Variants in CSRNP3 observed in about 807,000 individuals in gnomAD.
The protein encoded by CSRNP3 is cysteine and serine rich nuclear protein 3.
CSRNP3 carries 12 observed loss-of-function variants against 48.0 expected under a neutral mutation model. The observed-to-expected ratio is 0.25, with a 90% CI of 0.16 to 0.41. The LOEUF is 0.41. Among genes scored for constraint, CSRNP3 ranks in the 10% least tolerant of loss-of-function variants. The probability of loss-of-function intolerance (pLI) is 1.00; values close to 1 mark genes in which losing one functional copy is unlikely to be tolerated. For missense variants in CSRNP3, 580 were observed against 724.4 expected, an observed-to-expected ratio of 0.80 and a Z score of 2.29; for synonymous variants, 263 against 269.7, an observed-to-expected ratio of 0.98 and a Z score of 0.24.
chr2:165,608,276 T>C (rs1397371403), intron 4 of CSRNP3, among the ~76,000 whole-genome samples: 3 of 151,856 alleles, frequency 2.0e-5, no homozygotes, highest in Non-Finnish European at 4.4e-5. Context: ...AAATAGGAAA[T>C]GATGGTTGGA....
At chr2:165,475,277 C>A (rs1259864764) in intron 1 of CSRNP3, among the ~76,000 whole-genome samples, 2 of 152,154 alleles carry the variant, frequency 1.3e-5, no homozygotes, top group African/African-American at 4.8e-5. Context: ...AAATGATTTG[C>A]CCCCTGTGCA....
chr2:165,631,810 C>G (rs1418950081), intron 4 of CSRNP3, among the ~76,000 whole-genome samples: 1 of 152,238 alleles, frequency 6.6e-6, no homozygotes, highest in Non-Finnish European at 1.5e-5. Flanking sequence ...ACTACTCTCA[C>G]TCATCTACCT....
chr2:165,568,646 T>C (rs1464960964), intron 3 of CSRNP3, among the ~76,000 whole-genome samples: 1 of 152,066 alleles, frequency 6.6e-6, no homozygotes, highest in Non-Finnish European at 1.5e-5. Context: ...GACTTGGACT[T>C]TCCAGAGCAT....
intron 3 of CSRNP3, among the ~76,000 whole-genome samples, chr2:165,557,557 G>GCAA (rs1685175645): frequency 6.6e-6 from 1 of 152,174 alleles, no homozygotes; most frequent in African/African-American, 2.4e-5. Context: ...ATAGGACTGT[G>GCAA]CAAATATAGA....
intron 3 of CSRNP3, among the ~76,000 whole-genome samples, chr2:165,540,963 C>T (rs562140736): frequency 1.3e-5 from 2 of 152,142 alleles, no homozygotes; most frequent in African/African-American, 2.4e-5. Context: ...AATATTTTTA[C>T]ATGGCGGGGT....
chr2:165,663,145 A>G (rs374929002), intron 5 of CSRNP3, among the ~76,000 whole-genome samples: 2 of 152,344 alleles, frequency 1.3e-5, no homozygotes, highest in East Asian at 3.9e-4. Context: ...TATCTTCCAG[A>G]TAAGGGCCTT....
chr2:165,532,550 G>A (rs1433708679), intron 3 of CSRNP3, among the ~76,000 whole-genome samples: 1 of 151,916 alleles, frequency 6.6e-6, no homozygotes, highest in African/African-American at 2.4e-5. Context: ...GGTATTGATG[G>A]GACGTATCTC....
intron 4 of CSRNP3, among the ~76,000 whole-genome samples, chr2:165,649,159 C>A (rs1686864358): frequency 6.6e-6 from 1 of 152,158 alleles, no homozygotes; most frequent in African/African-American, 2.4e-5. Context: ...CTATTTTGTT[C>A]TTGTTGTTTA....
intron 5 of CSRNP3, among the ~76,000 whole-genome samples, chr2:165,670,992 C>CT (rs1325552858): frequency 6.6e-6 from 1 of 152,134 alleles, no homozygotes; most frequent in Non-Finnish European, 1.5e-5. Flanking sequence ...TTTGAAAGTG[C>CT]TGGTTATCCT....
rs749713008 is a variant in CSRNP3 at position 165,658,005 on chromosome 2, C to T, written c.393C>T (p.Asn131=). 1.9e-6 allele frequency: 3 copies of T among 1,610,844 alleles called. No individual in the cohort carries two copies. Among genetic ancestry groups the T allele is most frequent in the Admixed American group, 1.7e-5 (1 of 59,800 alleles). Residue 131 remains asparagine (N), a synonymous_variant, in exon 5 of 7, where the codon AAC becomes AAT. Transcript: ENST00000651982. ...LREHLREEKL[N]SLKLKMTKNG... ...AACACCTTAGGGAGGAAAAGCTGAA[C>T]TCCTTAAAACTAAAGGTAAAAAACA... is the stretch of plus-strand genomic sequence containing the variant.
chr2:165,523,955 C>G (rs1298902006), intron 3 of CSRNP3, among the ~76,000 whole-genome samples: 2 of 152,122 alleles, frequency 1.3e-5, no homozygotes, highest in African/African-American at 2.4e-5. Flanking sequence ...ACATAGAGGT[C>G]AATACCTCCA....
intron 3 of CSRNP3, among the ~76,000 whole-genome samples, chr2:165,564,818 T>G (rs373536595): frequency 7.2e-5 from 11 of 152,090 alleles, no homozygotes; most frequent in African/African-American, 2.7e-4. Flanking sequence ...ATTTAAAGCT[T>G]TAATTATTAT....
rs147646212 is a variant in CSRNP3 at position 165,646,751 on chromosome 2, A to G, written c.149-11010A>G. On this transcript the variant is annotated intron_variant, in intron 4 of 6. Coordinates refer to ENST00000651982, the MANE Select transcript of CSRNP3 (RefSeq NM_001172173.2). ...TTTAATGTGTCTTTGACATCAGGAG[A>G]ATTGCTGAGACAGCAGAGGGAAGTG... is the stretch of plus-strand genomic sequence containing the variant. Among the ~76,000 whole-genome samples, 617 of 152,188 alleles carry G rather than the reference A, an allele frequency of 4.1e-3. 2 individuals carry two copies. Among genetic ancestry groups the G allele is most frequent in the Non-Finnish European group, 7.2e-3 (488 of 68,014 alleles).
chr2:165,519,444 T>C (rs1684623106), intron 3 of CSRNP3, among the ~76,000 whole-genome samples: 1 of 152,130 alleles, frequency 6.6e-6, no homozygotes. Context: ...TTGAAATGGG[T>C]GGGAATGCAG....
At chr2:165,562,118 GC>G (rs571229682) in intron 3 of CSRNP3, among the ~76,000 whole-genome samples, 50 of 152,200 alleles carry the variant, frequency 3.3e-4, no homozygotes, top group African/African-American at 1.0e-3. Context: ...CATTAGAAAA[GC>G]CCGAACACCC....
At chr2:165,656,490 A>G (rs1687007591) in intron 4 of CSRNP3, among the ~76,000 whole-genome samples, 1 of 152,200 alleles carries the variant, frequency 6.6e-6, no homozygotes, top group South Asian at 2.1e-4. Context: ...CAGCACATAC[A>G]TATATCAAAG....
intron 2 of CSRNP3, among the ~76,000 whole-genome samples, chr2:165,511,671 G>T (rs553990348): frequency 6.6e-6 from 1 of 152,208 alleles, no homozygotes; most frequent in South Asian, 2.1e-4. Flanking sequence ...GTGAGGAGGT[G>T]GGAAGGAATG....
At chr2:165,530,520 A>G (rs1684796921) in intron 3 of CSRNP3, among the ~76,000 whole-genome samples, 1 of 152,266 alleles carries the variant, frequency 6.6e-6, no homozygotes. Flanking sequence ...GTATTTTAGC[A>G]TTGTTTTCAG....
rs1686967674 is a variant in CSRNP3 at position 165,654,355 on chromosome 2, A to T, written c.149-3406A>T. Among the ~76,000 whole-genome samples the T allele has an allele frequency of 1.3e-5, 2 of 152,218 alleles. 1 individual carries two copies. Among genetic ancestry groups the T allele is most frequent in the South Asian group, 4.1e-4 (2 of 4,834 alleles). ...TAAGTCAAAATTGAAAGTTTTCTTTACTGCCTGGAGTACAGGTGTGTTACA... is the reference window on the plus strand; with the variant it reads ...TAAGTCAAAATTGAAAGTTTTCTTTTCTGCCTGGAGTACAGGTGTGTTACA... On this transcript the variant is annotated intron_variant, in intron 4 of 6. Coordinates refer to ENST00000651982, the MANE Select transcript of CSRNP3 (RefSeq NM_001172173.2).
Sources: gnomAD v4.1 joint callset for allele counts (sites outside exome capture counted in the v4.1 genomes callset) on GRCh38, gnomAD v4.1.1 for gene constraint, MANE v1.5 for transcripts, NCBI Gene and HGNC (gene_info 2026-07-23, HGNC 2026-07-21) for gene names.